The following ZNF280D variants were observed in gnomAD, a reference collection of about 807,000 sequenced individuals.
ZNF280D encodes the protein suppressor of hairy wing homolog 4.
ZNF280D carries 39 observed loss-of-function variants against 94.7 expected under a neutral mutation model. That is an observed-to-expected ratio of 0.41 (90% CI 0.32 to 0.54). The LOEUF (loss-of-function observed/expected upper bound fraction) is 0.54, where lower values mean the gene tolerates loss of function less well. ZNF280D is among the 20% of genes least tolerant of loss of function. The probability of loss-of-function intolerance (pLI) is 0.22; values close to 1 mark genes in which losing one functional copy is unlikely to be tolerated. For missense variants in ZNF280D, 1,090 were observed against 1,149.3 expected (o/e 0.95, Z 0.75); for synonymous variants, 398 against 377.6 (o/e 1.05, Z -0.63).
intron 9 of ZNF280D, among the ~76,000 whole-genome samples, chr15:56,686,435 G>A (rs1433605738): frequency 6.6e-6 from 1 of 151,950 alleles, no homozygotes. Context: ...CATGACTCCC[G>A]GCCTCATAAT....
chr15:56,669,504 C>T (rs1596425009), intron 13 of ZNF280D, among the ~76,000 whole-genome samples: 1 of 151,808 alleles, frequency 6.6e-6, no homozygotes, highest in South Asian at 2.1e-4. Flanking sequence ...ACAGTAGCCA[C>T]TAGCCACATG....
At chr15:56,697,148 T>C (rs1301673829) in intron 6 of ZNF280D, among the ~76,000 whole-genome samples, 1 of 152,150 alleles carries the variant, frequency 6.6e-6, no homozygotes, top group Non-Finnish European at 1.5e-5. Context: ...AATTTTTACA[T>C]TCTGGGTACC....
Position 56,631,916 on chromosome 15 carries a change from T to G in ZNF280D, c.2522A>C (p.Gln841Pro), listed in dbSNP as rs117764534. The G allele has an allele frequency of 7.1e-4, 1,150 of 1,613,878 alleles. No homozygotes were observed. The highest frequency in any genetic ancestry group is 9.4e-4 in the Non-Finnish European group (1,104 of 1,180,014). The change falls in exon 22 of 22, where the codon CAA (glutamine) becomes CCA (proline). Residue 841 changes from glutamine (Q) to proline (P), a missense_variant. Physicochemically the swap from Gln to Pro is moderately conservative, Grantham distance 76. Around this residue, in one of 3 missense-constraint regions of ZNF280D, gnomAD observed 577 missense variants for 568.8 expected, o/e 1.01. Coordinates refer to ENST00000267807, the MANE Select transcript of ZNF280D (RefSeq NM_017661.4). ...CATTTCCTGACAAACGTGTTGTATT[T>G]GTTTTTTCTTTTCCACTTTATCTGC... is the stretch of plus-strand genomic sequence containing the variant. ...IGADKVEKKKQIQHVCQEMEL... is the reference protein window; with the variant it reads ...IGADKVEKKKPIQHVCQEMEL...
At chr15:56,664,116 A>C (rs28678122) in intron 16 of ZNF280D, among the ~76,000 whole-genome samples, 24,875 of 152,190 alleles carry the variant, frequency 0.16, 2,091 homozygotes, top group Admixed American at 0.2. Flanking sequence ...ACAATGTCAA[A>C]TACTCTAAAG....
intron 16 of ZNF280D, among the ~76,000 whole-genome samples, chr15:56,660,013 T>C (rs545926394): frequency 2.0e-5 from 3 of 152,160 alleles, no homozygotes; most frequent in South Asian, 4.1e-4. Context: ...CCAGAAAATA[T>C]CCTCAGATTT....
In ZNF280D at chr15:56,653,049, T is replaced by A. The variant is rs530604469; in HGVS notation, c.2213+1149A>T. The A allele has an allele frequency of 4.2e-4, 410 of 972,496 alleles. 12 individuals carry two copies. In the South Asian group the frequency reaches 0.018, roughly 43 times the overall value. The allele number at this position is 972,496 out of a possible 1,614,324, so 60.2% of individuals were successfully genotyped here. ...AAAAATCAAAATGCAAGAATCGGTATTGTTAAAAAATTACAGAATTAATAC... is the reference window on the plus strand; with the variant it reads ...AAAAATCAAAATGCAAGAATCGGTAATGTTAAAAAATTACAGAATTAATAC... On this transcript the variant is annotated intron_variant, in intron 19 of 21. Coordinates refer to ENST00000267807, the MANE Select transcript of ZNF280D (RefSeq NM_017661.4).
intron 1 of ZNF280D, among the ~76,000 whole-genome samples, chr15:56,730,926 C>T (rs780663934): frequency 3.9e-5 from 6 of 152,140 alleles, no homozygotes; most frequent in Non-Finnish European, 7.3e-5. Context: ...GGAAAGATAG[C>T]TTGTCACCAC....
chr15:56,728,347 T>C (rs1281541673), intron 1 of ZNF280D, among the ~76,000 whole-genome samples: 4 of 152,130 alleles, frequency 2.6e-5, no homozygotes, highest in Non-Finnish European at 5.9e-5. Context: ...TGCCCAAGTA[T>C]TGAATGCAGG....
At chr15:56,709,073 C>G (rs795032) in intron 1 of ZNF280D, among the ~76,000 whole-genome samples, 74,696 of 151,688 alleles carry the variant, frequency 0.49, 19,777 homozygotes, top group East Asian at 0.6. Context: ...GAACAGGCAA[C>G]CTACAGATTG....
At chr15:56,718,183 T>C (rs2058147595) in intron 1 of ZNF280D, among the ~76,000 whole-genome samples, 1 of 152,106 alleles carries the variant, frequency 6.6e-6, no homozygotes, top group African/African-American at 2.4e-5. Context: ...CAATAAAATA[T>C]CTGATAATCA....
At chr15:56,700,871 GAT>G in intron 6 of ZNF280D, 60 bp downstream of exon 6, 1 of 1,612,800 alleles carries the variant, frequency 6.2e-7, no homozygotes, top group Non-Finnish European at 8.5e-7. Context: ...GGGTACTGTT[GAT>G]ATTGATAAAC....
chr15:56,668,026 T>C (rs1596416179), intron 14 of ZNF280D: 1 of 389,564 alleles, frequency 2.6e-6, no homozygotes, highest in South Asian at 1.9e-5. Context: ...AGTCCCAACA[T>C]GGAATGAATG....
intron 11 of ZNF280D, 55 bp from the exon 12 acceptor site, chr15:56,677,729 A>T: frequency 1.5e-6 from 1 of 658,690 alleles, no homozygotes; most frequent in East Asian, 4.3e-5. Context: ...TATAAAAATT[A>T]ATTTTATACA....
intron 12 of ZNF280D, among the ~76,000 whole-genome samples, chr15:56,677,065 T>C (rs1362497543): frequency 2.6e-5 from 4 of 152,200 alleles, no homozygotes; most frequent in Non-Finnish European, 5.9e-5. Flanking sequence ...CAGATCTTTT[T>C]ATCTATCACC....
At chr15:56,717,448 GTAA>G (rs1287278722) in intron 1 of ZNF280D, among the ~76,000 whole-genome samples, 9 of 152,000 alleles carry the variant, frequency 5.9e-5, no homozygotes, top group African/African-American at 2.2e-4. Flanking sequence ...TGTGGCTCAA[GTAA>G]TAATAACAAC....
chr15:56,637,490 T>G (rs7178136), intron 20 of ZNF280D, among the ~76,000 whole-genome samples: 131 of 152,210 alleles, frequency 8.6e-4, no homozygotes, highest in Middle Eastern at 6.8e-3. Flanking sequence ...CTCTCCATAA[T>G]GATGTTGAGA....
intron 14 of ZNF280D, among the ~76,000 whole-genome samples, chr15:56,667,394 T>C (rs1371777767): frequency 2.0e-5 from 3 of 152,100 alleles, no homozygotes; most frequent in African/African-American, 7.2e-5. Context: ...TTAACAACTA[T>C]AAAAGAAACA....
At chr15:56,683,641 G>T (rs2055794444) in intron 9 of ZNF280D, among the ~76,000 whole-genome samples, 1 of 152,086 alleles carries the variant, frequency 6.6e-6, no homozygotes, top group South Asian at 2.1e-4. Flanking sequence ...CTGTTGCTTT[G>T]TTAGTGCCCT....
At chr15:56,699,921 G>A (rs1336338749) in intron 6 of ZNF280D, 1 of 152,938 alleles carries the variant, frequency 6.5e-6, no homozygotes, top group Non-Finnish European at 1.5e-5. Context: ...TGCACGGCAG[G>A]TGACTAATAC....
Sources: gnomAD v4.1 joint callset for allele counts (sites outside exome capture counted in the v4.1 genomes callset) on GRCh38, gnomAD v4.1.1 for gene constraint, gnomAD v4.1.1 regional missense constraint, MANE v1.5 for transcripts, NCBI Gene and HGNC (gene_info 2026-07-23, HGNC 2026-07-21) for gene names.